Variants in PNPLA1 observed in about 807,000 individuals in gnomAD.
PNPLA1 encodes the protein omega-hydroxyceramide transacylase.
PNPLA1 carries 36 observed loss-of-function variants against 51.7 expected under a neutral mutation model. The observed-to-expected ratio is 0.70, with a 90% confidence interval of 0.53 to 0.92. The LOEUF is 0.92. Among genes scored for constraint, PNPLA1 ranks in the 40% least tolerant of loss-of-function variants. The pLI is 0.00. For missense variants in PNPLA1, 658 were observed against 682.5 expected (o/e 0.96, Z 0.40); for synonymous variants, 293 against 280.1 (o/e 1.05, Z -0.46).
upstream of PNPLA1, among the ~76,000 whole-genome samples, chr6:36,267,272 A>G (rs762147870): frequency 2.6e-5 from 4 of 152,222 alleles, no homozygotes; most frequent in Non-Finnish European, 4.4e-5. Context: ...AGGGCGAATG[A>G]AAGGAACCTT....
chr6:36,270,407 G>A lies in PNPLA1; in HGVS notation c.-53G>A. 6.5e-7 allele frequency: 1 copy of A among 1,537,614 alleles called. No individual in the cohort carries two copies. The highest frequency in any genetic ancestry group is 1.2e-5 in the South Asian group (1 of 83,538). On this transcript the variant is annotated 5_prime_UTR_variant, in exon 1 of 9. Coordinates refer to ENST00000636260, the MANE Select transcript of PNPLA1 (RefSeq NM_001374623.1). ...GGGAGCGGCAGCCCAGGCTCGGGCA[G>A]GCAAGTGCTGAAGGGTGGCTCCGCC... is the stretch of plus-strand genomic sequence containing the variant.
Position 36,253,203 on chromosome 6 carries a change from T to C in PNPLA1, c.-81+9942T>C, listed in dbSNP as rs190444178. On this transcript the variant is annotated intron_variant, in intron 1 of 7. Coordinates refer to the PNPLA1 transcript ENST00000312917. ...TTCATAAACAAATAAATAAAGGCAATAGAGGGGAAGTCTAGTTCAATACCA... is the reference window on the plus strand; with the variant it reads ...TTCATAAACAAATAAATAAAGGCAACAGAGGGGAAGTCTAGTTCAATACCA... Among the ~76,000 whole-genome samples the C allele has an allele frequency of 7.2e-5, 11 of 152,070 alleles. No homozygotes were observed. The East Asian group carries it at 2.1e-3, about 29-fold the overall frequency.
At chr6:36,262,208 C>T (rs1769665334) in intron 1 of PNPLA1, among the ~76,000 whole-genome samples, 1 of 152,126 alleles carries the variant, frequency 6.6e-6, no homozygotes. Context: ...ACCTGTCCCA[C>T]CTTCAATCCA....
chr6:36,264,201 G>A (rs1769714128), intron 1 of PNPLA1, among the ~76,000 whole-genome samples: 1 of 152,216 alleles, frequency 6.6e-6, no homozygotes, highest in African/African-American at 2.4e-5. Context: ...ATTGTGACCT[G>A]AGAAATTCCT....
At chr6:36,271,774 C>T (rs956522132) in intron 1 of PNPLA1, among the ~76,000 whole-genome samples, 4 of 152,174 alleles carry the variant, frequency 2.6e-5, no homozygotes. Flanking sequence ...GTCATGTGGC[C>T]TTAGCCACAA....
intron 1 of PNPLA1, 135 bp downstream of exon 1, chr6:36,270,799 G>A (rs1769892610): frequency 9.4e-6 from 10 of 1,064,242 alleles, no homozygotes; most frequent in Non-Finnish European, 1.4e-5. Context: ...GGAAGAGCTG[G>A]TTGGAGTAGG....
rs1771283796 is a variant in PNPLA1, at chr6:36,307,667, G to T, written c.1550G>T (p.Gly517Val). The T allele has an allele frequency of 1.9e-6, 3 of 1,614,014 alleles. No individual in the cohort carries two copies. The highest frequency in any genetic ancestry group is 2.5e-6 in the Non-Finnish European group (3 of 1,179,992). ...NKQKTSGTRK[G>V]FPRHSGSKKP... is the part of the protein sequence containing the mutation. ...CAAAAGACAAGTGGCACCAGAAAAG[G>T]CTTCCCAAGACATTCGGGATCCAAA... Residue 517 changes from glycine to valine, a missense_variant, in exon 8 of 9, where the codon GGC becomes GTC. Transcript: ENST00000636260.
At chr6:36,308,742 A>G (rs906352756) in intron 8 of PNPLA1, 5 of 152,242 alleles carry the variant, frequency 3.3e-5, no homozygotes, top group Non-Finnish European at 5.9e-5. Context: ...AGCCCCATGC[A>G]TGTATACAAA....
intron 1 of PNPLA1, among the ~76,000 whole-genome samples, chr6:36,283,691 G>A (rs191674357): frequency 1.4e-3 from 218 of 152,344 alleles, no homozygotes; most frequent in African/African-American, 4.8e-3. Flanking sequence ...CTAGCTCAGA[G>A]TCTAGTATGC....
chr6:36,277,204 G>T (rs1483648249), intron 1 of PNPLA1, among the ~76,000 whole-genome samples: 1 of 152,196 alleles, frequency 6.6e-6, no homozygotes, highest in Non-Finnish European at 1.5e-5. Context: ...GAGTTGAAAG[G>T]CGTTGCCTTT....
chr6:36,294,222 G>C lies in PNPLA1; in HGVS notation c.537G>C (p.Gln179His). ...RYIDGGFTGMQPCAFWTDAIT... is the reference protein window; with the variant it reads ...RYIDGGFTGMHPCAFWTDAIT... Reference sequence around the variant, plus strand: ...TCGATGGGGGCTTCACGGGCATGCAGCCCTGTGCCTTCTGGACCGACGCCA... The same window carrying C: ...TCGATGGGGGCTTCACGGGCATGCACCCCTGTGCCTTCTGGACCGACGCCA... Residue 179 changes from glutamine to histidine, a missense_variant, in exon 4 of 9, where the codon CAG becomes CAC. By Grantham distance (24) the Gln-to-His change is conservative (BLOSUM62 0). Transcript: ENST00000636260. The surrounding 1 kb of genome is among the most constrained non-coding windows in gnomAD (Gnocchi z 4.2). 6.2e-7 allele frequency: 1 copy of C among 1,614,188 alleles called. No homozygotes were observed. The highest frequency in any genetic ancestry group is 1.1e-5 in the South Asian group (1 of 91,082).
In PNPLA1 at chr6:36,294,201, TG is replaced by T. The variant is rs1317340739; in HGVS notation, c.521del (p.Gly174AlafsTer55). Reference protein sequence around the residue: ...PTYRGVRYIDGGFTGMQPCAF... With the variant: ...PTYRGVRYIDXGFTGMQPCAF... ...CTCTGCCCCCACAGAGGTACATCGA[TG>T]GGGGCTTCACGGGCATGCAGCCCTG... On this transcript the variant is annotated frameshift_variant, in exon 4 of 9. Transcript: ENST00000636260. LOFTEE classifies it high-confidence loss of function. This position sits in a 1 kb window ranked among gnomAD's most constrained non-coding sequence, Gnocchi z 4.2. 3.1e-6 allele frequency: 5 copies of T among 1,613,964 alleles called. No individual in the cohort carries two copies. Among genetic ancestry groups the T allele is most frequent in the Non-Finnish European group, 4.2e-6 (5 of 1,180,014 alleles).
In PNPLA1 at chr6:36,297,522, C is replaced by T. The variant is rs566158906; in HGVS notation, c.775+2098C>T. On this transcript the variant is annotated intron_variant, in intron 5 of 8. Transcript: ENST00000636260. ...GGAAACTACACCCCAAAAGGTGTCA[C>T]CCTCCATTCCTCAGCTCACATTCTC... Among the ~76,000 whole-genome samples, 9 of 152,274 alleles carry T rather than the reference C, an allele frequency of 5.9e-5. No homozygotes were observed. The South Asian group carries it at 1.9e-3, about 32-fold the overall frequency.
At chr6:36,288,402 C>T (rs1377734136) in intron 1 of PNPLA1, among the ~76,000 whole-genome samples, 1 of 151,384 alleles carries the variant, frequency 6.6e-6, no homozygotes, top group African/African-American at 2.4e-5. Context: ...TTGCTTGAGA[C>T]CAGGGGTTCA....
At chr6:36,309,193 A>T (rs965633549) in intron 8 of PNPLA1, among the ~76,000 whole-genome samples, 1 of 152,052 alleles carries the variant, frequency 6.6e-6, no homozygotes, top group Non-Finnish European at 1.5e-5. Flanking sequence ...ATGGTAGCGG[A>T]GATTCTGAGA....
chr6:36,255,937 A>T (rs938630011), intron 1 of PNPLA1, among the ~76,000 whole-genome samples: 10 of 152,180 alleles, frequency 6.6e-5, no homozygotes, highest in African/African-American at 2.4e-4. Flanking sequence ...TTGGGCTGAG[A>T]TGTTGCTGTT....
Position 36,313,449 on chromosome 6 carries a change from A to G in PNPLA1, c.*1563A>G, listed in dbSNP as rs9986424. On this transcript the variant is annotated 3_prime_UTR_variant, in exon 9 of 9. Transcript: ENST00000636260. The stretch of plus-strand genomic sequence containing the variant: ...ATGAATGGGTGGAGGACCATACTAA[A>G]CTGCCCTTTGGAGCCTGAGGAGACC... Among the ~76,000 whole-genome samples the G allele has an allele frequency of 0.04, 6,077 of 152,134 alleles. 318 individuals carry two copies. The highest frequency in any genetic ancestry group is 0.12 in the African/African-American group (4,997 of 41,478).
intron 2 of PNPLA1, 27 bp downstream of exon 2, chr6:36,291,579 G>GGGGGGA: frequency 1.2e-4 from 12 of 103,644 alleles, no homozygotes; most frequent in South Asian, 4.3e-4. Flanking sequence ...GGGAGGGAGG[G>GGGGGGA]ACACGGAGGG....
At chr6:36,292,370 A>G (rs1294792242) in intron 2 of PNPLA1, among the ~76,000 whole-genome samples, 1 of 150,862 alleles carries the variant, frequency 6.6e-6, no homozygotes, top group Non-Finnish European at 1.5e-5. Flanking sequence ...TTCTGACTTC[A>G]CTGCCCACTG....
Sources: gnomAD v4.1 joint callset for allele counts (sites outside exome capture counted in the v4.1 genomes callset) on GRCh38, gnomAD v4.1.1 for gene constraint, Gnocchi (gnomAD v3.1) non-coding constraint, MANE v1.5 for transcripts, NCBI Gene and HGNC (gene_info 2026-07-23, HGNC 2026-07-21) for gene names.